MAP7D2: variants seen among roughly 807,000 people sequenced by gnomAD.
MAP7D2 encodes MAP7 domain-containing protein 2.
In MAP7D2, 33 loss-of-function variants were observed where a neutral mutation model predicts 63.5. That is an observed-to-expected ratio of 0.52 (90% confidence interval 0.39 to 0.70). The LOEUF (loss-of-function observed/expected upper bound fraction) is 0.70. MAP7D2 is among the 30% of genes least tolerant of loss of function. MAP7D2 has a pLI of 0.00. For missense variants in MAP7D2, 626 were observed against 604.0 expected (o/e 1.04, Z -0.38); for synonymous variants, 224 against 223.7 (o/e 1.00, Z -0.01).
intron 1 of MAP7D2, among the ~76,000 whole-genome samples, chrX:20,077,854 C>T (rs2065686259): frequency 8.9e-6 from 1 of 112,383 alleles, no homozygotes; most frequent in Admixed American, 9.4e-5. Context: ...CATTTCTCAT[C>T]TTCTGCAAAG....
At chrX:20,040,381 T>G (rs1318151207) in intron 8 of MAP7D2, among the ~76,000 whole-genome samples, 1 of 112,239 alleles carries the variant, frequency 8.9e-6, no homozygotes, top group Non-Finnish European at 1.9e-5. Flanking sequence ...ATGGTTTGTG[T>G]GTTCACTGGA....
chrX:20,030,499 C>T (rs2074012689), intron 8 of MAP7D2, among the ~76,000 whole-genome samples: 1 of 112,006 alleles, frequency 8.9e-6, no homozygotes, highest in African/African-American at 3.3e-5. Flanking sequence ...TACGAACAAA[C>T]ACCTCTGTAA....
Position 20,013,864 on chromosome X carries a change from G to T in MAP7D2, c.1750-239C>A, listed in dbSNP as rs142806348. On this transcript the variant is annotated intron_variant, in intron 12 of 16. Coordinates refer to ENST00000379643, the MANE Select transcript of MAP7D2 (RefSeq NM_001168465.2). ...TAGTACGTATCTAGAATCAATATTC[G>T]ATTTATATCCCATATTTCTCCTTCT... 2.8e-3 allele frequency among the ~76,000 whole-genome samples: 310 copies of T among 112,128 alleles called. 8 individuals carry two copies. Among genetic ancestry groups the T allele is most frequent in the Admixed American group, 0.027 (282 of 10,555 alleles).
In MAP7D2 at chrX:20,060,792, C is replaced by G. The variant is rs191588872; in HGVS notation, c.372+2622G>C. Among the ~76,000 whole-genome samples the G allele has an allele frequency of 2.2e-4, 24 of 110,993 alleles. No homozygotes were observed. The Admixed American group carries it at 2.3e-3, about 11-fold the overall frequency. ...CCCCACCCCTCCCTGGGACCCCTCC[C>G]TGGGACAGGCCTGACTACTCTTAAG... On this transcript the variant is annotated intron_variant, in intron 3 of 16. Transcript: ENST00000379643.
At position 20,116,742 on chromosome X, in the gene MAP7D2, GATA is replaced by G. The variant is rs762200854; in HGVS notation, c.130+5_130+7del. ...CCTCGGGCGCCCGCCACACTCTGGG[GATA>G]ATACCTTGAGGCCGGTAGTTGGGCT... On this transcript the variant is annotated splice_donor_5th_base_variant and intron_variant, in intron 1 of 16. Coordinates refer to ENST00000379643, the MANE Select transcript of MAP7D2 (RefSeq NM_001168465.2). 122 of 1,174,061 alleles carry G rather than the reference GATA, an allele frequency of 1.0e-4. No individual in the cohort carries two copies. Among genetic ancestry groups the G allele is most frequent in the Non-Finnish European group, 1.4e-4 (120 of 878,575 alleles).
chrX:20,106,671 T>C lies in MAP7D2; in HGVS notation c.130+10079A>G, dbSNP rs893086063. 1.2e-4 allele frequency among the ~76,000 whole-genome samples: 14 copies of C among 112,136 alleles called. No homozygotes were observed. The South Asian group carries it at 4.8e-3, about 38-fold the overall frequency. ...AGTCCAAATGGAGACACACTAGAAG[T>C]GTAAAATAGACATGGAATTTCAAAG... is the stretch of plus-strand genomic sequence containing the variant. On this transcript the variant is annotated intron_variant, in intron 1 of 16. Transcript: ENST00000379643.
At chrX:20,098,712 G>A (rs900653634) in intron 1 of MAP7D2, among the ~76,000 whole-genome samples, 12 of 112,224 alleles carry the variant, frequency 1.1e-4, no homozygotes, top group African/African-American at 3.6e-4. Context: ...TGATTACAGA[G>A]GACAGCTCAC....
chrX:20,024,871 G>A lies in MAP7D2; in HGVS notation c.1412+80C>T, dbSNP rs2073783893. 7.4e-6 allele frequency: 8 copies of A among 1,078,367 alleles called. No homozygotes were observed. In the Middle Eastern group the frequency reaches 7.6e-4, roughly 103 times the overall value. 88.9% of individuals were successfully genotyped at this position (1,078,367 alleles called of 1,213,427 possible). On this transcript the variant is annotated intron_variant, in intron 10 of 16. Transcript: ENST00000379643. ...CTGTTCAAGTTTTATCAATACCAAC[G>A]CTGTAAAAAGAAAGGCAAGCTGCTC... is the stretch of plus-strand genomic sequence containing the variant.
At chrX:20,020,207 C>T (rs967071554) in intron 10 of MAP7D2, among the ~76,000 whole-genome samples, 1 of 111,366 alleles carries the variant, frequency 9.0e-6, no homozygotes, top group Non-Finnish European at 1.9e-5. Flanking sequence ...CTGTGAATTC[C>T]ACATCCTCCA....
At chrX:20,099,602 T>C (rs1344159267) in intron 1 of MAP7D2, among the ~76,000 whole-genome samples, 2 of 111,882 alleles carry the variant, frequency 1.8e-5, no homozygotes, top group Non-Finnish European at 3.8e-5. Context: ...CATTCCAACC[T>C]CAAGTTTCCA....
intron 10 of MAP7D2, 148 bp downstream of exon 10, chrX:20,024,803 G>T: frequency 1.7e-6 from 1 of 576,899 alleles, no homozygotes; most frequent in Non-Finnish European, 2.7e-6. Context: ...TCAGTCTCCT[G>T]AACACCTTCC....
chrX:20,116,488 C>G (rs1211167829), intron 1 of MAP7D2: 41 of 785,518 alleles, frequency 5.2e-5, no homozygotes, highest in Non-Finnish European at 6.0e-5. Flanking sequence ...CCCAAACACA[C>G]CTGCCGCCCA....
At chrX:20,077,795 G>A (rs1163166588) in intron 1 of MAP7D2, among the ~76,000 whole-genome samples, 1 of 111,843 alleles carries the variant, frequency 8.9e-6, no homozygotes, top group Non-Finnish European at 1.9e-5. Flanking sequence ...ACTAGGGCAA[G>A]GATTCTTTTC....
intron 6 of MAP7D2, among the ~76,000 whole-genome samples, chrX:20,045,013 G>A (rs2064757474): frequency 9.0e-6 from 1 of 111,402 alleles, no homozygotes; most frequent in South Asian, 3.8e-4. Context: ...TTGTGGGAGT[G>A]TGGAATCTGG....
intron 1 of MAP7D2, among the ~76,000 whole-genome samples, chrX:20,065,946 C>T (rs2065349015): frequency 9.8e-6 from 1 of 102,120 alleles, no homozygotes. Flanking sequence ...GACGGAGTCT[C>T]GCTCTGTCGC....
chrX:20,026,857 A>G (rs2073864770), intron 8 of MAP7D2, among the ~76,000 whole-genome samples: 1 of 112,030 alleles, frequency 8.9e-6, no homozygotes, highest in South Asian at 3.7e-4. Flanking sequence ...GCATTTGTAC[A>G]GAGTTCCTCT....
At chrX:20,053,989 G>A (rs940422651) in intron 4 of MAP7D2, among the ~76,000 whole-genome samples, 2 of 111,185 alleles carry the variant, frequency 1.8e-5, no homozygotes, top group African/African-American at 6.5e-5. Flanking sequence ...GACTACAGGT[G>A]CATGCCACCA....
chrX:20,086,755 G>A, intron 1 of MAP7D2, among the ~76,000 whole-genome samples: 1 of 111,454 alleles, frequency 9.0e-6, no homozygotes, highest in South Asian at 3.8e-4. Flanking sequence ...GTCGGGCACA[G>A]TCCTAAATGC....
intron 1 of MAP7D2, among the ~76,000 whole-genome samples, chrX:20,067,347 T>C (rs1024087384): frequency 8.9e-5 from 10 of 112,349 alleles, no homozygotes; most frequent in Non-Finnish European, 1.9e-4. Context: ...TCCACAGACA[T>C]GCATGATTTT....
Sources: gnomAD v4.1 joint callset for allele counts (sites outside exome capture counted in the v4.1 genomes callset) on GRCh38, gnomAD v4.1.1 for gene constraint, MANE v1.5 for transcripts, NCBI Gene and HGNC (gene_info 2026-07-23, HGNC 2026-07-21) for gene names.